The following MAP4K1 variants were observed in gnomAD, a reference collection of about 807,000 sequenced individuals.
The protein encoded by MAP4K1 is mitogen-activated protein kinase kinase kinase kinase 1, also known as MAPK/ERK kinase kinase kinase 1.
A neutral mutation model predicts 122.8 loss-of-function variants in MAP4K1; 35 were observed. That is an observed-to-expected ratio of 0.29 (90% CI 0.22 to 0.38). The LOEUF is 0.38. Ranked by LOEUF, MAP4K1 falls within the 10% of genes least tolerant of loss-of-function variation. MAP4K1 has a pLI of 1.00. For synonymous variants in MAP4K1, 412 were observed against 421.3 expected, an observed-to-expected ratio of 0.98 and a Z score of 0.27; for missense variants, 791 against 1,072.6, an observed-to-expected ratio of 0.74 and a Z score of 3.67.
At chr19:38,594,792 T>A (rs904295135) in intron 29 of MAP4K1, among the ~76,000 whole-genome samples, 3 of 150,234 alleles carry the variant, frequency 2.0e-5, no homozygotes, top group South Asian at 2.1e-4. Flanking sequence ...TACAAAAAAA[T>A]TAGCTAAGCA....
chr19:38,592,785 C>T (rs1428902121), intron 30 of MAP4K1, among the ~76,000 whole-genome samples: 1 of 146,964 alleles, frequency 6.8e-6, no homozygotes, highest in East Asian at 2.1e-4. Context: ...GGTGTGGTGG[C>T]ACATGCCTGT....
chr19:38,588,097 A>AG (rs1454389857), intron 30 of MAP4K1, among the ~76,000 whole-genome samples: 3 of 152,234 alleles, frequency 2.0e-5, no homozygotes, highest in Admixed American at 2.0e-4. Context: ...TGCAGCCTGA[A>AG]GGGGGGTTAG....
In MAP4K1 at chr19:38,597,408, G is replaced by T. The variant is rs780088074; in HGVS notation, c.1779-24C>A. Reference sequence around the variant, plus strand: ...TCCTGGAGAATAGGTAGGTGTGAAGGGGGGTAGGACAGCAGGAGGCAGAGG... The same window carrying T: ...TCCTGGAGAATAGGTAGGTGTGAAGTGGGGTAGGACAGCAGGAGGCAGAGG... On this transcript the variant is annotated intron_variant, in intron 23 of 30. Coordinates refer to ENST00000396857, the MANE Select transcript of MAP4K1 (RefSeq NM_001042600.3). This position sits in a 1 kb window ranked among gnomAD's most constrained non-coding sequence, Gnocchi z 4.6. The T allele has an allele frequency of 1.2e-6, 2 of 1,613,904 alleles. No homozygotes were observed. The highest frequency in any genetic ancestry group is 1.7e-6 in the Non-Finnish European group (2 of 1,179,912).
At chr19:38,599,136 CT>C (rs1469671365) in intron 22 of MAP4K1, among the ~76,000 whole-genome samples, 2 of 149,104 alleles carry the variant, frequency 1.3e-5, no homozygotes, top group African/African-American at 5.0e-5. Context: ...TGCGACCAGC[CT>C]GGCCAACATG....
intron 19 of MAP4K1, among the ~76,000 whole-genome samples, chr19:38,603,348 A>G (rs573912648): frequency 1.7e-4 from 26 of 149,658 alleles, no homozygotes; most frequent in Admixed American, 1.2e-3. Flanking sequence ...ACATATATAC[A>G]CATATACATA....
At chr19:38,610,984 T>C in intron 11 of MAP4K1, 67 bp downstream of exon 11, 1 of 1,372,076 alleles carries the variant, frequency 7.3e-7, no homozygotes, top group Non-Finnish European at 1.0e-6. Flanking sequence ...AAGTTATCCA[T>C]GTCCTCGGGA....
chr19:38,609,505 A>C (rs1323440712), intron 13 of MAP4K1, 91 bp downstream of exon 13: 5 of 1,082,916 alleles, frequency 4.6e-6, no homozygotes, highest in Non-Finnish European at 4.2e-6. Flanking sequence ...GATGATGCTG[A>C]GGGTCTCTGG....
chr19:38,589,987 G>A (rs972026898), intron 30 of MAP4K1, among the ~76,000 whole-genome samples: 1 of 151,860 alleles, frequency 6.6e-6, no homozygotes, highest in African/African-American at 2.4e-5. Flanking sequence ...CCATGATCGC[G>A]TCACTGCACT....
intron 16 of MAP4K1, 89 bp downstream of exon 16, chr19:38,607,775 C>G: frequency 7.1e-7 from 1 of 1,402,292 alleles, no homozygotes; most frequent in Non-Finnish European, 9.8e-7. Context: ...GCAGCGGGGT[C>G]AGGAGTGGAG....
intron 30 of MAP4K1, among the ~76,000 whole-genome samples, chr19:38,590,387 AAAAAAAAATAT>A (rs1214047721): frequency 5.2e-4 from 37 of 70,752 alleles, no homozygotes; most frequent in Middle Eastern, 7.1e-3. Flanking sequence ...AAAAAAAAAA[AAAAAAAAATAT>A]ATATATATAT....
intron 19 of MAP4K1, among the ~76,000 whole-genome samples, chr19:38,603,462 ATGTATATG>A (rs1436740534): frequency 6.6e-6 from 1 of 151,796 alleles, no homozygotes; most frequent in Non-Finnish European, 1.5e-5. Context: ...GTGTGTATAT[ATGTATATG>A]TATATATGTA....
intron 30 of MAP4K1, 142 bp downstream of exon 30, chr19:38,593,140 C>A: frequency 1.5e-6 from 1 of 682,088 alleles, no homozygotes; most frequent in Non-Finnish European, 2.4e-6. Flanking sequence ...AGAGAACAGA[C>A]TCTAGGGAGC....
intron 19 of MAP4K1, 73 bp downstream of exon 19, chr19:38,605,336 A>ACCCCCAACCC: frequency 9.0e-7 from 1 of 1,108,392 alleles, no homozygotes; most frequent in Non-Finnish European, 1.3e-6. Flanking sequence ...CAGTCCTGCC[A>ACCCCCAACCC]CCCCCTCCCC....
chr19:38,603,719 C>T (rs929983598), intron 19 of MAP4K1, among the ~76,000 whole-genome samples: 1 of 152,052 alleles, frequency 6.6e-6, no homozygotes, highest in African/African-American at 2.4e-5. Context: ...CGCGGTGGCT[C>T]ACGCCTGTAA....
intron 19 of MAP4K1, among the ~76,000 whole-genome samples, chr19:38,603,100 A>G (rs1975180447): frequency 7.0e-6 from 1 of 142,600 alleles, no homozygotes; most frequent in East Asian, 2.3e-4. Flanking sequence ...ATATATACAC[A>G]TGTACATATA....
Position 38,617,681 on chromosome 19 carries a change from A to T in MAP4K1, c.100-56T>A. The T allele has an allele frequency of 1.2e-6, 2 of 1,608,094 alleles. No homozygotes were observed. The highest frequency in any genetic ancestry group is 1.7e-6 in the Non-Finnish European group (2 of 1,174,532). The stretch of plus-strand genomic sequence containing the variant: ...GCTCCATTTGCCAGAGTCCCTCCAC[A>T]GCATCCCTGAGTCAAGGTCAAGAAC... On this transcript the variant is annotated intron_variant, in intron 1 of 30. Coordinates refer to ENST00000396857, the MANE Select transcript of MAP4K1 (RefSeq NM_001042600.3). This position sits in a 1 kb window ranked among gnomAD's most constrained non-coding sequence, Gnocchi z 4.1.
chr19:38,600,142 G>A lies in MAP4K1; in HGVS notation c.1543C>T (p.Leu515Phe). 1 of 1,614,144 alleles carries A rather than the reference G, an allele frequency of 6.2e-7. No individual in the cohort carries two copies. The highest frequency in any genetic ancestry group is 8.5e-7 in the Non-Finnish European group (1 of 1,180,010). The change falls in exon 21 of 31, where the codon CTC (leucine) becomes TTC (phenylalanine). Residue 515 changes from leucine to phenylalanine, a missense_variant. Coordinates refer to ENST00000396857, the MANE Select transcript of MAP4K1 (RefSeq NM_001042600.3). ...AAGATGCCTTCCTCTGCCCCCAGGA[G>A]CAGGTGCTGGTCTGGAGGCACAGAC... is the stretch of plus-strand genomic sequence containing the variant. ...THPSTKDQHL[L>F]LGAEEGIFIL... is the part of the protein sequence containing the mutation.
chr19:38,610,372 ATTTTTTTTTTT>A (rs35103992), intron 11 of MAP4K1, among the ~76,000 whole-genome samples: 12 of 76,196 alleles, frequency 1.6e-4, no homozygotes, highest in East Asian at 8.0e-4. Flanking sequence ...CGCCCAGCTA[ATTTTTTTTTTT>A]TTTTTTTTTT....
chr19:38,597,214 G>C lies in MAP4K1; in HGVS notation c.1838-77C>G. Reference sequence around the variant, plus strand: ...CACCCACACTACCACCCATCTTCTGGGTTCTGGACACATTGCCTTAACTCT... The same window carrying C: ...CACCCACACTACCACCCATCTTCTGCGTTCTGGACACATTGCCTTAACTCT... On this transcript the variant is annotated intron_variant, in intron 24 of 30. Coordinates refer to ENST00000396857, the MANE Select transcript of MAP4K1 (RefSeq NM_001042600.3). This position sits in a 1 kb window ranked among gnomAD's most constrained non-coding sequence, Gnocchi z 4.6. 1 of 1,597,242 alleles carries C rather than the reference G, an allele frequency of 6.3e-7. No individual in the cohort carries two copies.
Sources: gnomAD v4.1 joint callset for allele counts (sites outside exome capture counted in the v4.1 genomes callset) on GRCh38, gnomAD v4.1.1 for gene constraint, Gnocchi (gnomAD v3.1) non-coding constraint, MANE v1.5 for transcripts, NCBI Gene and HGNC (gene_info 2026-07-23, HGNC 2026-07-21) for gene names.